Variants in KIAA1217 observed in about 807,000 individuals in gnomAD.
The protein encoded by KIAA1217 is sickle tail protein homolog.
A neutral mutation model predicts 163.9 loss-of-function variants in KIAA1217; 88 were observed. The observed-to-expected ratio is 0.54, with a 90% CI of 0.45 to 0.64. KIAA1217 has a LOEUF of 0.64. KIAA1217 is among the 30% of genes least tolerant of loss of function. The pLI is 0.00. For synonymous variants in KIAA1217, 903 were observed against 923.1 expected (o/e 0.98, Z 0.39); for missense variants, 2,372 against 2,475.0 (o/e 0.96, Z 0.88).
chr10:24,492,415 T>A (rs542422679), intron 6 of KIAA1217, among the ~76,000 whole-genome samples: 1 of 152,216 alleles, frequency 6.6e-6, no homozygotes, highest in Non-Finnish European at 1.5e-5. Context: ...CCTGGAAACA[T>A]TTGCAAATCA....
intron 2 of KIAA1217, among the ~76,000 whole-genome samples, chr10:24,178,748 T>C (rs1159142630): frequency 7.2e-5 from 11 of 152,232 alleles, no homozygotes; most frequent in Admixed American, 7.2e-4. Context: ...CTCTGTGATA[T>C]GACATACATT....
chr10:24,052,864 T>A (rs996279092), intron 2 of KIAA1217, among the ~76,000 whole-genome samples: 17 of 152,160 alleles, frequency 1.1e-4, no homozygotes, highest in Non-Finnish European at 2.1e-4. Context: ...CCTCTCTAGC[T>A]ATCAATCTGC....
rs538732267 is a variant in KIAA1217 at position 24,022,101 on chromosome 10, T to C, written c.-171+14727T>C. Reference sequence around the variant, plus strand: ...CTCTGAAAGAAAAAAACTGACAAACTGGACTTTATTAAGATGAAAACTCCT... The same window carrying C: ...CTCTGAAAGAAAAAAACTGACAAACCGGACTTTATTAAGATGAAAACTCCT... On this transcript the variant is annotated intron_variant, in intron 2 of 18. Coordinates refer to the KIAA1217 transcript ENST00000376462. Among the ~76,000 whole-genome samples, 3 of 151,530 alleles carry C rather than the reference T, an allele frequency of 2.0e-5. No individual in the cohort carries two copies. The South Asian group carries it at 6.2e-4, about 32-fold the overall frequency.
chr10:23,715,150 G>A (rs968384947), intron 1 of KIAA1217, among the ~76,000 whole-genome samples: 1 of 152,174 alleles, frequency 6.6e-6, no homozygotes, highest in Non-Finnish European at 1.5e-5. Context: ...TGGCGGATTA[G>A]CATTCAAGAT....
chr10:24,408,462 T>C (rs1209694492), intron 3 of KIAA1217, among the ~76,000 whole-genome samples: 1 of 152,150 alleles, frequency 6.6e-6, no homozygotes, highest in Non-Finnish European at 1.5e-5. Context: ...GCAACCCAAG[T>C]AGTTGTTCCA....
intron 2 of KIAA1217, among the ~76,000 whole-genome samples, chr10:24,355,536 T>G (rs767003106): frequency 7.2e-5 from 11 of 151,870 alleles, no homozygotes; most frequent in Non-Finnish European, 1.5e-4. Flanking sequence ...GGCTCTACTC[T>G]TGTGACCAAA....
chr10:23,746,971 G>T (rs1233703989), intron 1 of KIAA1217, among the ~76,000 whole-genome samples: 3 of 152,146 alleles, frequency 2.0e-5, no homozygotes, highest in South Asian at 4.1e-4. Context: ...TGTGCCAAGG[G>T]AGTATCTGAT....
intron 2 of KIAA1217, among the ~76,000 whole-genome samples, chr10:24,342,765 C>A (rs1272927255): frequency 1.3e-5 from 2 of 151,150 alleles, no homozygotes; most frequent in African/African-American, 2.4e-5. Flanking sequence ...TTCAAGCGAT[C>A]CTCCTGCCTC....
chr10:23,835,728 TTAA>T (rs1838413265), intron 1 of KIAA1217, among the ~76,000 whole-genome samples: 1 of 152,176 alleles, frequency 6.6e-6, no homozygotes, highest in Non-Finnish European at 1.5e-5. Context: ...TGGGTCACCA[TTAA>T]GAATATGATT....
At chr10:23,898,295 C>T (rs1464346133) in intron 1 of KIAA1217, among the ~76,000 whole-genome samples, 6 of 150,038 alleles carry the variant, frequency 4.0e-5, no homozygotes, top group Non-Finnish European at 7.4e-5. Flanking sequence ...ATTTATAAGA[C>T]TATATATATA....
chr10:24,373,040 T>C (rs2051908345), intron 2 of KIAA1217, among the ~76,000 whole-genome samples: 1 of 152,206 alleles, frequency 6.6e-6, no homozygotes, highest in Non-Finnish European at 1.5e-5. Flanking sequence ...CTTGAGGAGC[T>C]TGTCCAATCC....
At chr10:24,388,932 T>C (rs1446217635) in intron 3 of KIAA1217, among the ~76,000 whole-genome samples, 1 of 149,362 alleles carries the variant, frequency 6.7e-6, no homozygotes, top group Non-Finnish European at 1.5e-5. Flanking sequence ...TGTGGAGAAA[T>C]AGGAACACTT....
chr10:23,735,033 C>CT (rs1838714719), intron 1 of KIAA1217, among the ~76,000 whole-genome samples: 1 of 151,666 alleles, frequency 6.6e-6, no homozygotes, highest in South Asian at 2.1e-4. Flanking sequence ...TTATTTGTTT[C>CT]TTGTTGATAA....
chr10:23,917,677 T>C (rs1208400173), intron 1 of KIAA1217, among the ~76,000 whole-genome samples: 1 of 152,142 alleles, frequency 6.6e-6, no homozygotes, highest in Non-Finnish European at 1.5e-5. Flanking sequence ...GCCAGAGAGT[T>C]CCAGGAAGGT....
chr10:24,410,457 C>T (rs1427027943), intron 3 of KIAA1217, among the ~76,000 whole-genome samples: 1 of 152,174 alleles, frequency 6.6e-6, no homozygotes, highest in East Asian at 1.9e-4. Flanking sequence ...TCTGTGGATT[C>T]CTGGTATGTC....
At chr10:24,230,094 T>C (rs1183937334) in intron 2 of KIAA1217, among the ~76,000 whole-genome samples, 2 of 151,708 alleles carry the variant, frequency 1.3e-5, no homozygotes, top group Non-Finnish European at 2.9e-5. Flanking sequence ...ATGCTCAGTA[T>C]TTTTTTTAGC....
At chr10:24,195,541 C>T (rs1379004772) in intron 2 of KIAA1217, among the ~76,000 whole-genome samples, 2 of 152,122 alleles carry the variant, frequency 1.3e-5, no homozygotes, top group African/African-American at 4.8e-5. Flanking sequence ...TGTTTCAGGA[C>T]TTCTACCTCC....
At chr10:24,329,255 T>C (rs147944096) in intron 2 of KIAA1217, among the ~76,000 whole-genome samples, 1 of 148,460 alleles carries the variant, frequency 6.7e-6, no homozygotes, top group African/African-American at 2.4e-5. Context: ...ATACATAGTA[T>C]ATAAATAGTA....
intron 2 of KIAA1217, among the ~76,000 whole-genome samples, chr10:24,249,791 A>G (rs546359565): frequency 4.6e-5 from 7 of 152,190 alleles, no homozygotes; most frequent in African/African-American, 1.2e-4. Context: ...ACTAGCCTAG[A>G]CAGTTCGTTC....
Sources: allele counts gnomAD v4.1 joint callset (sites outside exome capture counted in the v4.1 genomes callset), GRCh38; gene constraint gnomAD v4.1.1; transcripts MANE v1.5; gene names NCBI Gene and HGNC (gene_info 2026-07-23, HGNC 2026-07-21).